The following MCC variants were observed in gnomAD, a reference collection of about 807,000 sequenced individuals.
MCC encodes the protein MCC regulator of Wnt signaling pathway.
Under a neutral mutation model 116.2 loss-of-function variants are expected in MCC, and 90 were observed. That is an observed-to-expected ratio of 0.77 (90% CI 0.65 to 0.92). MCC has a LOEUF of 0.92. MCC is among the 40% of genes least tolerant of loss of function. The probability of loss-of-function intolerance (pLI) is 0.00; values close to 1 mark genes in which losing one functional copy is unlikely to be tolerated. For missense variants in MCC, 1,516 were observed against 1,312.2 expected (o/e 1.16, Z -2.40); for synonymous variants, 578 against 510.5 (o/e 1.13, Z -1.78).
At chr5:113,123,705 G>T (rs1757865077) in intron 5 of MCC, among the ~76,000 whole-genome samples, 1 of 152,156 alleles carries the variant, frequency 6.6e-6, no homozygotes, top group Non-Finnish European at 1.5e-5. Flanking sequence ...ACTGGACACA[G>T]GTATGGAGAC....
At chr5:113,416,347 AG>A (rs554649392) in intron 1 of MCC, among the ~76,000 whole-genome samples, 100 of 152,206 alleles carry the variant, frequency 6.6e-4, no homozygotes, top group Non-Finnish European at 1.0e-3. Context: ...TGAGCACAGG[AG>A]TTTGAGGTTG....
At chr5:113,369,886 ATC>A (rs1423305399) in intron 2 of MCC, among the ~76,000 whole-genome samples, 1 of 152,046 alleles carries the variant, frequency 6.6e-6, no homozygotes, top group Non-Finnish European at 1.5e-5. Flanking sequence ...TTCCTTCAAA[ATC>A]TCTCTCTTGT....
chr5:113,078,827 A>C (rs372722248), intron 11 of MCC, among the ~76,000 whole-genome samples: 1 of 152,218 alleles, frequency 6.6e-6, no homozygotes, highest in African/African-American at 2.4e-5. Context: ...GGCAGGAGAA[A>C]GAAATAAAGG....
intron 3 of MCC, among the ~76,000 whole-genome samples, chr5:113,169,116 T>C (rs1312624639): frequency 1.3e-5 from 2 of 151,994 alleles, no homozygotes; most frequent in African/African-American, 4.8e-5. Flanking sequence ...CCCTCTGTCC[T>C]AGGAAGACAG....
At chr5:113,084,298 T>C (rs1310491141) in intron 9 of MCC, 108 bp from the exon 10 acceptor site, 4 of 835,404 alleles carry the variant, frequency 4.8e-6, no homozygotes, top group Middle Eastern at 2.3e-4. Flanking sequence ...AACTAAATGA[T>C]TAAAGAACTT....
chr5:113,282,788 G>C (rs1281436115), intron 3 of MCC, among the ~76,000 whole-genome samples: 1 of 152,098 alleles, frequency 6.6e-6, no homozygotes, highest in African/African-American at 2.4e-5. Flanking sequence ...ATTAGATTTT[G>C]GTTTAATCAC....
intron 3 of MCC, among the ~76,000 whole-genome samples, chr5:113,332,276 T>G (rs576808949): frequency 1.3e-5 from 2 of 151,696 alleles, no homozygotes; most frequent in African/African-American, 4.9e-5. Flanking sequence ...ACTTCTGGCC[T>G]TAAGCAATCC....
chr5:113,332,618 GA>G (rs1280264411), intron 3 of MCC, among the ~76,000 whole-genome samples: 1 of 147,292 alleles, frequency 6.8e-6, no homozygotes, highest in African/African-American at 2.5e-5. Flanking sequence ...AAATCCAGTA[GA>G]AAAAAATAAT....
intron 1 of MCC, among the ~76,000 whole-genome samples, chr5:113,455,534 C>T (rs561375052): frequency 2.2e-4 from 33 of 152,354 alleles, no homozygotes; most frequent in Non-Finnish European, 4.4e-4. Context: ...CAACTCCTCA[C>T]AGCAGCCCTC....
At chr5:113,169,916 A>G (rs1364791955) in intron 3 of MCC, among the ~76,000 whole-genome samples, 4 of 152,204 alleles carry the variant, frequency 2.6e-5, no homozygotes, top group African/African-American at 7.2e-5. Flanking sequence ...GGCATAAATG[A>G]TAACATTTCT....
At chr5:113,045,587 G>A (rs1226372978) in intron 16 of MCC, among the ~76,000 whole-genome samples, 1 of 152,150 alleles carries the variant, frequency 6.6e-6, no homozygotes, top group African/African-American at 2.4e-5. Context: ...ATCACTTGAT[G>A]TCAGGAGTTT....
intron 3 of MCC, among the ~76,000 whole-genome samples, chr5:113,329,519 A>G (rs1767648180): frequency 6.6e-6 from 1 of 151,476 alleles, no homozygotes; most frequent in Non-Finnish European, 1.5e-5. Flanking sequence ...AGATCTCACA[A>G]ATGAAAATGC....
At chr5:113,360,964 G>A (rs1317332889) in intron 2 of MCC, among the ~76,000 whole-genome samples, 1 of 152,172 alleles carries the variant, frequency 6.6e-6, no homozygotes, top group African/African-American at 2.4e-5. Flanking sequence ...AGCCCAGTAT[G>A]TATGGACTCA....
chr5:113,376,130 T>C (rs764193041), intron 2 of MCC, among the ~76,000 whole-genome samples: 10 of 152,334 alleles, frequency 6.6e-5, no homozygotes, highest in Non-Finnish European at 1.2e-4. Flanking sequence ...ACTCATTACT[T>C]GGACTGATTT....
chr5:113,131,290 T>C (rs1262749885), intron 5 of MCC, among the ~76,000 whole-genome samples: 1 of 152,132 alleles, frequency 6.6e-6, no homozygotes, highest in Non-Finnish European at 1.5e-5. Flanking sequence ...TACTGATATA[T>C]TTTTCCATTT....
intron 15 of MCC, 23 bp from the exon 16 acceptor site, chr5:113,049,322 C>T: frequency 1.9e-6 from 3 of 1,540,264 alleles, no homozygotes; most frequent in Non-Finnish European, 2.6e-6. Context: ...GAGCACAGAG[C>T]ACATGAGGCA....
chr5:113,344,461 G>A (rs1768086907), intron 2 of MCC, among the ~76,000 whole-genome samples: 1 of 152,016 alleles, frequency 6.6e-6, no homozygotes, highest in Admixed American at 6.5e-5. Flanking sequence ...GGTTGGCTAA[G>A]AGAGGGCTTG....
At chr5:113,390,438 C>T (rs368035122) in intron 1 of MCC, among the ~76,000 whole-genome samples, 2 of 152,152 alleles carry the variant, frequency 1.3e-5, no homozygotes, top group African/African-American at 4.8e-5. Flanking sequence ...CACCAATCAC[C>T]AGACAGCAGA....
chr5:113,127,207 T>C (rs924468466), intron 5 of MCC, among the ~76,000 whole-genome samples: 4 of 152,260 alleles, frequency 2.6e-5, no homozygotes, highest in African/African-American at 9.6e-5. Context: ...CTGCATAGTA[T>C]TCCATGGTAT....
Sources: allele counts gnomAD v4.1 joint callset (sites outside exome capture counted in the v4.1 genomes callset), GRCh38; gene constraint gnomAD v4.1.1; transcripts MANE v1.5; gene names NCBI Gene and HGNC (gene_info 2026-07-23, HGNC 2026-07-21).